The following CACFD1 variants were observed in gnomAD, a reference collection of about 807,000 sequenced individuals.
CACFD1 encodes calcium channel flower homolog.
CACFD1 carries 26 observed loss-of-function variants against 21.3 expected under a neutral mutation model. The observed-to-expected ratio is 1.22, with a 90% confidence interval of 0.89 to 1.69. CACFD1 has a LOEUF of 1.69. Among genes scored for constraint, CACFD1 ranks in the 40% most tolerant of loss-of-function variants. The pLI is 0.00. For synonymous variants in CACFD1, 121 were observed against 106.6 expected, an observed-to-expected ratio of 1.13 and a Z score of -0.83; for missense variants, 265 against 236.2, an observed-to-expected ratio of 1.12 and a Z score of -0.80.
Position 133,468,835 on chromosome 9 carries a change from A to G in CACFD1, c.*182A>G. 1 of 1,093,958 alleles carries G rather than the reference A, an allele frequency of 9.1e-7. No homozygotes were observed. Among genetic ancestry groups the G allele is most frequent in the Non-Finnish European group, 1.3e-6 (1 of 792,004 alleles). The allele number at this position is 1,093,958 out of a possible 1,614,324, so 67.8% of individuals were successfully genotyped here. On this transcript the variant is annotated 3_prime_UTR_variant, in exon 5 of 5. Coordinates refer to ENST00000316948, the MANE Select transcript of CACFD1 (RefSeq NM_017586.5). ...CCAGGAGCCACTGGCTGCTGGTGTG[A>G]GGGTCTGGGCTGCTGGACTTGAGGC...
intron 2 of CACFD1, among the ~76,000 whole-genome samples, chr9:133,464,617 C>T (rs1346929438): frequency 6.6e-6 from 1 of 152,160 alleles, no homozygotes; most frequent in African/African-American, 2.4e-5. Flanking sequence ...GGGCCTGGCT[C>T]AGTGTCTGCT....
At chr9:133,463,626 A>G in intron 2 of CACFD1, 71 bp downstream of exon 2, 3 of 1,517,812 alleles carry the variant, frequency 2.0e-6, no homozygotes, top group Non-Finnish European at 2.7e-6. Flanking sequence ...CTCCCGGGAC[A>G]GAGGAGTGGC....
chr9:133,464,786 TG>T (rs1564456225), intron 2 of CACFD1, among the ~76,000 whole-genome samples: 1 of 152,158 alleles, frequency 6.6e-6, no homozygotes, highest in South Asian at 2.1e-4. Flanking sequence ...TCCCCGGGCC[TG>T]GGGCCGGTGG....
At chr9:133,461,565 A>G (rs1198284455) in intron 1 of CACFD1, among the ~76,000 whole-genome samples, 5 of 152,240 alleles carry the variant, frequency 3.3e-5, no homozygotes, top group African/African-American at 4.8e-5. Context: ...GGTCCTGACT[A>G]TGGCCTGTAG....
chr9:133,462,392 G>A (rs1022722884), intron 1 of CACFD1, among the ~76,000 whole-genome samples: 1 of 152,216 alleles, frequency 6.6e-6, no homozygotes, highest in Non-Finnish European at 1.5e-5. Context: ...TTTAGAAGGA[G>A]ACCCTGGGGG....
At position 133,465,086 on chromosome 9, in the gene CACFD1, A is replaced by G. The variant is rs1843380181; in HGVS notation, c.195-236A>G. On this transcript the variant is annotated intron_variant, in intron 2 of 4. Coordinates refer to ENST00000316948, the MANE Select transcript of CACFD1 (RefSeq NM_017586.5). This position sits in a 1 kb window ranked among gnomAD's most constrained non-coding sequence, Gnocchi z 5.0. ...CAGGGGCTTCCCTCTAGGAGTGTTC[A>G]GTTCAGCTGGGGAGATGGGTGTGCA... 3.6e-6 allele frequency: 2 copies of G among 553,032 alleles called. No homozygotes were observed. Among genetic ancestry groups the G allele is most frequent in the African/African-American group, 3.8e-5 (2 of 52,622 alleles). The allele number at this position is 553,032 out of a possible 1,614,324, so 34.3% of individuals were successfully genotyped here.
chr9:133,465,000 A>G (rs924581922), intron 2 of CACFD1: 1 of 284,478 alleles, frequency 3.5e-6, no homozygotes, highest in East Asian at 8.9e-5. Context: ...TAGCAGTGCC[A>G]TGATGTGGGG....
chr9:133,463,520 C>CCA lies in CACFD1; in HGVS notation c.161_162dup (p.Pro55ThrfsTer3), dbSNP rs781992040. 24 of 1,614,026 alleles carry CCA rather than the reference C, an allele frequency of 1.5e-5. No individual in the cohort carries two copies. In the Admixed American group the frequency reaches 1.7e-4, roughly 11 times the overall value. On this transcript the variant is annotated frameshift_variant, in exon 2 of 5. Coordinates refer to ENST00000316948, the MANE Select transcript of CACFD1 (RefSeq NM_017586.5). LOFTEE classifies it high-confidence loss of function. ...CTGGCCTCTTCAACTGCATCACCATCCACCCTCTGAACATTGCGGCCGGCG... is the reference window on the plus strand; with the variant it reads ...CTGGCCTCTTCAACTGCATCACCATCCACACCCTCTGAACATTGCGGCCGGCG...
At chr9:133,467,885 GC>G in intron 3 of CACFD1, 35 bp from the exon 4 acceptor site, 1 of 1,473,970 alleles carries the variant, frequency 6.8e-7, no homozygotes, top group Non-Finnish European at 9.5e-7. Context: ...TGGCTGTGGG[GC>G]CGGAGTGCCC....
chr9:133,468,227 C>A, intron 4 of CACFD1, 199 bp downstream of exon 4: 1 of 1,337,918 alleles, frequency 7.5e-7, no homozygotes, highest in Non-Finnish European at 1.0e-6. Flanking sequence ...GTGGCCCAGT[C>A]TTGCCCCGTC....
chr9:133,468,060 G>T, intron 4 of CACFD1, 32 bp downstream of exon 4: 2 of 1,565,542 alleles, frequency 1.3e-6, no homozygotes, highest in Non-Finnish European at 8.8e-7. Context: ...CCTGGGCAGG[G>T]CCTTCCTCCC....
rs1564452610 is a variant in CACFD1 at position 133,460,200 on chromosome 9, T to A, written c.121+13T>A. The A allele has an allele frequency of 2.0e-6, 3 of 1,524,400 alleles. No individual in the cohort carries two copies. The allele number at this position is 1,524,400 out of a possible 1,614,324, so 94.4% of individuals were successfully genotyped here. On this transcript the variant is annotated intron_variant, in intron 1 of 4. Transcript: ENST00000316948. ...CTGGGGGCAGTCTGTGAGTATCCAG[T>A]CGGGGAGAGGGGCCGGCCCCGCCGC...
At chr9:133,461,052 C>T (rs139744223) in intron 1 of CACFD1, among the ~76,000 whole-genome samples, 63 of 152,366 alleles carry the variant, frequency 4.1e-4, no homozygotes, top group Admixed American at 8.5e-4. Flanking sequence ...CTTTCCTTTC[C>T]TGTCTGCCCT....
Position 133,468,627 on chromosome 9 carries a change from G to C in CACFD1, c.493G>C (p.Ala165Pro), listed in dbSNP as rs782234171. Residue 165 changes from alanine to proline, a missense_variant, in exon 5 of 5, where the codon GCG becomes CCG. Coordinates refer to ENST00000316948, the MANE Select transcript of CACFD1 (RefSeq NM_017586.5). Reference protein sequence around the residue: ...QRQQADEEKLAETLEGEL With the variant: ...QRQQADEEKLPETLEGEL ...GCAGCAGGCGGATGAGGAGAAGCTCGCGGAGACCCTGGAGGGGGAGCTGTG... is the reference window on the plus strand; with the variant it reads ...GCAGCAGGCGGATGAGGAGAAGCTCCCGGAGACCCTGGAGGGGGAGCTGTG... The C allele has an allele frequency of 8.2e-6, 13 of 1,585,732 alleles. No individual in the cohort carries two copies. Among genetic ancestry groups the C allele is most frequent in the Non-Finnish European group, 9.4e-6 (11 of 1,168,940 alleles).
chr9:133,463,532 C>G lies in CACFD1; in HGVS notation c.171C>G (p.Asn57Lys). The G allele has an allele frequency of 3.7e-6, 6 of 1,614,132 alleles. No homozygotes were observed. Among genetic ancestry groups the G allele is most frequent in the Non-Finnish European group, 5.1e-6 (6 of 1,180,014 alleles). Residue 57 changes from asparagine (N) to lysine (K), a missense_variant, in exon 2 of 5, where the codon AAC (asparagine) becomes AAG (lysine). Asn to Lys is a moderately conservative substitution (Grantham distance 94). Transcript: ENST00000316948. ...LFNCITIHPLNIAAGVWMIMN... is the reference protein window; with the variant it reads ...LFNCITIHPLKIAAGVWMIMN... Reference sequence around the variant, plus strand: ...ACTGCATCACCATCCACCCTCTGAACATTGCGGCCGGCGTGTGGATGATGT... The same window carrying G: ...ACTGCATCACCATCCACCCTCTGAAGATTGCGGCCGGCGTGTGGATGATGT...
At chr9:133,463,695 G>A in intron 2 of CACFD1, 140 bp downstream of exon 2, 1 of 809,486 alleles carries the variant, frequency 1.2e-6, no homozygotes, top group Non-Finnish European at 2.0e-6. Flanking sequence ...CAGCCTGGGT[G>A]CCTCGGGCAT....
intron 1 of CACFD1, chr9:133,461,703 G>A (rs2130986496): frequency 1.0e-5 from 2 of 193,884 alleles, no homozygotes; most frequent in Middle Eastern, 5.0e-3. Context: ...GGGCTCTGTT[G>A]GGTCTACAGA....
intron 4 of CACFD1, 84 bp downstream of exon 4, chr9:133,468,112 G>T: frequency 8.3e-7 from 1 of 1,205,518 alleles, no homozygotes; most frequent in East Asian, 2.5e-5. Context: ...TCTGAGAGTG[G>T]CCCCTTTTAG....
chr9:133,463,251 C>T (rs1564455098), intron 1 of CACFD1, among the ~76,000 whole-genome samples: 1 of 152,212 alleles, frequency 6.6e-6, no homozygotes. Flanking sequence ...GTGAGATCCA[C>T]CTGCCACCTT....
Sources: allele counts gnomAD v4.1 joint callset (sites outside exome capture counted in the v4.1 genomes callset), GRCh38; gene constraint gnomAD v4.1.1; non-coding constraint Gnocchi (gnomAD v3.1); transcripts MANE v1.5; gene names NCBI Gene and HGNC (gene_info 2026-07-23, HGNC 2026-07-21).